KIF20B: variants seen among roughly 807,000 people sequenced by gnomAD.
The protein encoded by KIF20B is kinesin family member 20B.
A neutral mutation model predicts 232.5 loss-of-function variants in KIF20B; 188 were observed. That is an observed-to-expected ratio of 0.81 (90% CI 0.72 to 0.91). The LOEUF (loss-of-function observed/expected upper bound fraction) is 0.91, where lower values mean the gene tolerates loss of function less well. KIF20B is among the 40% of genes least tolerant of loss of function. The probability of loss-of-function intolerance (pLI) is 0.00; values close to 1 mark genes in which losing one functional copy is unlikely to be tolerated. For missense variants in KIF20B, 2,154 were observed against 2,055.9 expected, an observed-to-expected ratio of 1.05 and a Z score of -0.92; for synonymous variants, 712 against 683.0, an observed-to-expected ratio of 1.04 and a Z score of -0.66.
intron 18 of KIF20B, 81 bp downstream of exon 18, chr10:89,729,328 A>T: frequency 8.0e-7 from 1 of 1,256,592 alleles, no homozygotes; most frequent in Non-Finnish European, 1.1e-6. Flanking sequence ...AAAATAGCTT[A>T]TGCAACTAAG....
Position 89,703,755 on chromosome 10 carries a change from CTTT to C in KIF20B, c.-1-1523_-1-1521del, listed in dbSNP as rs68124594. ...CTTTGGCGCCCCAGCAGGCTTTTCCCTTTTTTTTTTTTTTTTTTGACGCAGTCT... is the reference window on the plus strand; with the variant it reads ...CTTTGGCGCCCCAGCAGGCTTTTCCCTTTTTTTTTTTTTTTGACGCAGTCT... On this transcript the variant is annotated intron_variant, in intron 1 of 32. Transcript: ENST00000371728. Among the ~76,000 whole-genome samples the C allele has an allele frequency of 6.4e-3, 874 of 137,498 alleles. 5 individuals carry two copies. Among genetic ancestry groups the C allele is most frequent in the African/African-American group, 0.014 (500 of 36,794 alleles). 90.2% of individuals were successfully genotyped at this position (137,498 alleles called of 152,430 possible).
At chr10:89,712,610 T>A (rs1294080727) in intron 6 of KIF20B, among the ~76,000 whole-genome samples, 1 of 152,174 alleles carries the variant, frequency 6.6e-6, no homozygotes, top group Non-Finnish European at 1.5e-5. Flanking sequence ...CATCTGTTTT[T>A]TTTCCAGGCA....
At position 89,725,139 on chromosome 10, in the gene KIF20B, C is replaced by T. The variant is rs761139450; in HGVS notation, c.1982C>T (p.Ala661Val). ...GAAGAAGCAGCGAAAGACATTTGTG[C>T]CACAAAAGTTGAAACTGAAGTATGT... ...TREEAAKDIC[A>V]TKVETEETHN... Residue 661 changes from alanine (A) to valine (V), a missense_variant, in exon 15 of 33, where the codon GCC becomes GTC. Coordinates refer to ENST00000371728, the MANE Select transcript of KIF20B (RefSeq NM_001284259.2). The T allele has an allele frequency of 6.2e-7, 1 of 1,613,532 alleles. No homozygotes were observed. Among genetic ancestry groups the T allele is most frequent in the South Asian group, 1.1e-5 (1 of 90,978 alleles).
intron 17 of KIF20B, among the ~76,000 whole-genome samples, chr10:89,728,476 T>G (rs1402913021): frequency 2.0e-5 from 3 of 152,202 alleles, no homozygotes; most frequent in Non-Finnish European, 4.4e-5. Context: ...AACTTTATGA[T>G]GTAACTTGCC....
chr10:89,737,966 ATCGAAT>A lies in KIF20B; in HGVS notation c.3128_3133del (p.Arg1043_Ile1044del). 1 of 1,613,212 alleles carries A rather than the reference ATCGAAT, an allele frequency of 6.2e-7. No homozygotes were observed. Among genetic ancestry groups the A allele is most frequent in the East Asian group, 2.2e-5 (1 of 44,812 alleles). On this transcript the variant is annotated inframe_deletion, in exon 20 of 33. Transcript: ENST00000371728. Reference sequence around the variant, plus strand: ...TTGGTAAGTAAGCAAGTTAAAGAATATCGAATTCAAGAACCCAATAGGGAAAATTCT... The same window carrying A: ...TTGGTAAGTAAGCAAGTTAAAGAATATCAAGAACCCAATAGGGAAAATTCT...
chr10:89,717,650 C>T lies in KIF20B; in HGVS notation c.1199C>T (p.Thr400Ile). ...TQNEGERLRE[T>I]GNINTSLLTL... is the part of the protein sequence containing the mutation. ...AATGAAGGTGAAAGGTTAAGAGAGA[C>T]TGGGAATATCAACACTTCTTTATTG... Residue 400 changes from threonine to isoleucine, a missense_variant, in exon 11 of 33, where the codon ACT becomes ATT. Thr to Ile is a moderately conservative substitution (Grantham distance 89, BLOSUM62 -1). Transcript: ENST00000371728. 1 of 1,609,348 alleles carries T rather than the reference C, an allele frequency of 6.2e-7. No homozygotes were observed. The highest frequency in any genetic ancestry group is 1.1e-5 in the South Asian group (1 of 90,712).
chr10:89,759,811 TAG>T (rs1842200971), intron 27 of KIF20B, among the ~76,000 whole-genome samples: 1 of 152,154 alleles, frequency 6.6e-6, no homozygotes, highest in African/African-American at 2.4e-5. Flanking sequence ...ATGAATTCAG[TAG>T]AGTCTTTCTT....
intron 29 of KIF20B, among the ~76,000 whole-genome samples, chr10:89,767,399 T>G (rs1469427287): frequency 1.4e-5 from 2 of 142,238 alleles, no homozygotes; most frequent in South Asian, 4.5e-4. Flanking sequence ...TACTGACCAC[T>G]ATGTGTGGAG....
intron 13 of KIF20B, among the ~76,000 whole-genome samples, chr10:89,722,454 G>C (rs1843081697): frequency 6.6e-6 from 1 of 152,164 alleles, no homozygotes; most frequent in Admixed American, 6.5e-5. Context: ...TGGATCATGA[G>C]GTTGAGAGAT....
chr10:89,746,459 C>T (rs1419294452), intron 23 of KIF20B, among the ~76,000 whole-genome samples: 1 of 152,220 alleles, frequency 6.6e-6, no homozygotes, highest in Non-Finnish European at 1.5e-5. Context: ...CGTGTCATCT[C>T]ACAGTAGATG....
chr10:89,726,571 G>C (rs1183189378), intron 16 of KIF20B, 50 bp downstream of exon 16: 1 of 1,400,142 alleles, frequency 7.1e-7, no homozygotes, highest in South Asian at 1.5e-5. Flanking sequence ...CACATAAAAA[G>C]TACTCTTGGT....
rs576488474 is a variant in KIF20B at position 89,714,562 on chromosome 10, A to G, written c.713-393A>G. Among the ~76,000 whole-genome samples the G allele has an allele frequency of 2.9e-3, 438 of 152,302 alleles. 2 individuals carry two copies. Among genetic ancestry groups the G allele is most frequent in the African/African-American group, 9.2e-3 (383 of 41,566 alleles). ...CTAAGGATTTAATTTCTATAATGAC[A>G]TAGTCGGTGATACCTGGAAAATGAT... On this transcript the variant is annotated intron_variant, in intron 7 of 32. Transcript: ENST00000371728.
At chr10:89,745,577 T>TA (rs1491456712) in intron 22 of KIF20B, among the ~76,000 whole-genome samples, 2 of 150,486 alleles carry the variant, frequency 1.3e-5, no homozygotes, top group Non-Finnish European at 3.0e-5. Context: ...TGTTTTTTTT[T>TA]AATTTTTTTA....
chr10:89,764,786 C>G (rs1485853337), intron 29 of KIF20B, among the ~76,000 whole-genome samples: 2 of 151,816 alleles, frequency 1.3e-5, no homozygotes, highest in South Asian at 4.2e-4. Context: ...ATTGTAGATT[C>G]TGGATATTAG....
intron 29 of KIF20B, among the ~76,000 whole-genome samples, chr10:89,764,466 G>A (rs536711584): frequency 5.5e-4 from 83 of 152,222 alleles, no homozygotes; most frequent in Admixed American, 2.7e-3. Context: ...CCTGGGAATC[G>A]CCACACTGAC....
Position 89,725,023 on chromosome 10 carries a change from G to T in KIF20B, c.1866G>T (p.Glu622Asp). Residue 622 changes from glutamate (E) to aspartate (D), a missense_variant, in exon 15 of 33, where the codon GAG (glutamate) becomes GAT (aspartate). Physicochemically the swap from Glu to Asp is conservative, Grantham distance 45. Coordinates refer to ENST00000371728, the MANE Select transcript of KIF20B (RefSeq NM_001284259.2). Reference sequence around the variant, plus strand: ...GGGATTAATTTGTATTTTGAAGGGAGACTCTGCTTCAAGAACGAGAGATAT... The same window carrying T: ...GGGATTAATTTGTATTTTGAAGGGATACTCTGCTTCAAGAACGAGAGATAT... Reference protein sequence around the residue: ...YWAQREADFKETLLQEREILE... With the variant: ...YWAQREADFKDTLLQEREILE... The T allele has an allele frequency of 6.2e-7, 1 of 1,612,098 alleles. No individual in the cohort carries two copies. The highest frequency in any genetic ancestry group is 8.5e-7 in the Non-Finnish European group (1 of 1,178,994).
At position 89,737,981 on chromosome 10, in the gene KIF20B, C is replaced by A. The variant is rs748783218; in HGVS notation, c.3140C>A (p.Pro1047His). 1 of 1,612,952 alleles carries A rather than the reference C, an allele frequency of 6.2e-7. No homozygotes were observed. The highest frequency in any genetic ancestry group is 1.1e-5 in the South Asian group (1 of 90,958). Residue 1047 changes from proline to histidine, a missense_variant, in exon 20 of 33, where the codon CCC (proline) becomes CAC (histidine). Coordinates refer to ENST00000371728, the MANE Select transcript of KIF20B (RefSeq NM_001284259.2). ...GTTAAAGAATATCGAATTCAAGAAC[C>A]CAATAGGGAAAATTCTTTCCACTCT... ...KQVKEYRIQE[P>H]NRENSFHSSI...
intron 23 of KIF20B, among the ~76,000 whole-genome samples, chr10:89,749,105 C>G (rs1244283091): frequency 6.6e-6 from 1 of 152,144 alleles, no homozygotes; most frequent in Non-Finnish European, 1.5e-5. Context: ...CTATTCTGTA[C>G]TAGTTACCAC....
At chr10:89,739,694 C>G (rs1294447509) in intron 21 of KIF20B, among the ~76,000 whole-genome samples, 1 of 146,824 alleles carries the variant, frequency 6.8e-6, no homozygotes, top group Non-Finnish European at 1.5e-5. Flanking sequence ...GAGGTAGTTA[C>G]CAAATAATAC....
Sources: gnomAD v4.1 joint callset for allele counts (sites outside exome capture counted in the v4.1 genomes callset) on GRCh38, gnomAD v4.1.1 for gene constraint, MANE v1.5 for transcripts, NCBI Gene and HGNC (gene_info 2026-07-23, HGNC 2026-07-21) for gene names.